The following ETS1 variants were observed in gnomAD, a reference collection of about 807,000 sequenced individuals.
ETS1 encodes ETS proto-oncogene 1, transcription factor, also known as protein C-ets-1.
ETS1 carries 15 observed loss-of-function variants against 58.6 expected under a neutral mutation model. The observed-to-expected ratio is 0.26, with a 90% confidence interval of 0.17 to 0.39. The LOEUF is 0.39. Ranked by LOEUF, ETS1 falls within the 10% of genes least tolerant of loss-of-function variation. The pLI, the probability that ETS1 is intolerant of heterozygous loss-of-function variation, is 1.00. For synonymous variants in ETS1, 214 were observed against 218.2 expected (o/e 0.98, Z 0.17); for missense variants, 417 against 610.5 (o/e 0.68, Z 3.34).
chr11:128,507,803 G>A lies in ETS1; in HGVS notation c.215-17227C>T, dbSNP rs558143023. Among the ~76,000 whole-genome samples the A allele has an allele frequency of 2.0e-4, 31 of 152,306 alleles. No homozygotes were observed. In the South Asian group the frequency reaches 5.4e-3, roughly 26 times the overall value. On this transcript the variant is annotated intron_variant, in intron 3 of 9. Transcript: ENST00000392668. ...GCAGCAGCCTAGCTCAGGAAATGAC[G>A]CCTGGGAGAACAGGAGTTCTAATCC...
Position 128,460,718 on chromosome 11 carries a change from G to A in ETS1, c.*1643C>T, listed in dbSNP as rs1861885871. ...AAAGATGACTACCTTGCTTGACTAT[G>A]TTTGTATTTAAACCTTGGGGGAACT... On this transcript the variant is annotated 3_prime_UTR_variant, in exon 10 of 10. Coordinates refer to ENST00000392668, the MANE Select transcript of ETS1 (RefSeq NM_001143820.2). 6.6e-6 allele frequency: 1 copy of A among 152,258 alleles called. No individual in the cohort carries two copies. Among genetic ancestry groups the A allele is most frequent in the Non-Finnish European group, 1.5e-5 (1 of 68,012 alleles). 9.4% of individuals were successfully genotyped at this position (152,258 alleles called of 1,614,324 possible). A position where few individuals can be genotyped will look rare whatever the true frequency, so the allele number is the denominator to read the frequency against.
chr11:128,508,210 G>A (rs1327194680), intron 3 of ETS1, among the ~76,000 whole-genome samples: 5 of 152,156 alleles, frequency 3.3e-5, no homozygotes, highest in South Asian at 2.1e-4. Flanking sequence ...TAATAACAGC[G>A]ACAGCAGCAA....
At chr11:128,523,160 C>A (rs1863734257) in intron 3 of ETS1, among the ~76,000 whole-genome samples, 1 of 152,206 alleles carries the variant, frequency 6.6e-6, no homozygotes, top group African/African-American at 2.4e-5. Flanking sequence ...AAACTAACAA[C>A]CCTCCCACGA....
intron 3 of ETS1, among the ~76,000 whole-genome samples, chr11:128,550,754 T>C (rs73565248): frequency 0.011 from 1,681 of 152,310 alleles, 28 homozygotes; most frequent in African/African-American, 0.038. Context: ...AAAAGGTCCA[T>C]GTTTCCCCAT....
chr11:128,581,849 G>T (rs751825164), intron 1 of ETS1, among the ~76,000 whole-genome samples: 6 of 152,160 alleles, frequency 3.9e-5, no homozygotes, highest in Non-Finnish European at 8.8e-5. Context: ...AAACTGAGAG[G>T]CACCATAAAT....
chr11:128,575,875 AC>A (rs1565417024), intron 1 of ETS1, among the ~76,000 whole-genome samples: 2 of 152,214 alleles, frequency 1.3e-5, no homozygotes. Flanking sequence ...AAGAGAAAGG[AC>A]TTTTGGAATT....
intron 7 of ETS1, 50 bp from the exon 8 acceptor site, chr11:128,480,501 G>GAA (rs367685769): frequency 6.7e-4 from 708 of 1,053,216 alleles, no homozygotes; most frequent in Middle Eastern, 9.8e-4. Flanking sequence ...GAGGGAGTGG[G>GAA]AAAAAAAAAA....
In ETS1 at chr11:128,548,132, A is replaced by AAAGGG. The variant is rs1380445482; in HGVS notation, c.214+8154_214+8158dup. Among the ~76,000 whole-genome samples the AAAGGG allele has an allele frequency of 1.1e-3, 89 of 83,920 alleles. 1 individual carries two copies. Among genetic ancestry groups the AAAGGG allele is most frequent in the East Asian group, 0.01 (19 of 1,810 alleles). 55.1% of individuals were successfully genotyped at this position (83,920 alleles called of 152,430 possible). A position where few individuals can be genotyped will look rare whatever the true frequency, so the allele number is the denominator to read the frequency against. ...AAAGGGAAGGAAAGGAAAGGAAAGG[A>AAAGGG]AAGGGAAGGGAAGGGAAGGGAAGGA... On this transcript the variant is annotated intron_variant, in intron 3 of 9. Transcript: ENST00000392668.
chr11:128,539,488 C>T (rs1374576881), intron 3 of ETS1, among the ~76,000 whole-genome samples: 1 of 152,156 alleles, frequency 6.6e-6, no homozygotes, highest in African/African-American at 2.4e-5. Flanking sequence ...ATCAAAACGA[C>T]AATGAAATAC....
At chr11:128,478,013 G>T (rs1387693859) in intron 8 of ETS1, among the ~76,000 whole-genome samples, 1 of 152,052 alleles carries the variant, frequency 6.6e-6, no homozygotes, top group Non-Finnish European at 1.5e-5. Context: ...GTTAGAGTTG[G>T]GAGGAAACAC....
chr11:128,557,534 GA>G (rs2135558817), intron 2 of ETS1, among the ~76,000 whole-genome samples: 1 of 152,268 alleles, frequency 6.6e-6, no homozygotes, highest in Non-Finnish European at 1.5e-5. Context: ...TAATTTAAGA[GA>G]TCCTTAACAT....
At chr11:128,530,331 G>C (rs1348656351) in intron 3 of ETS1, 3 of 152,134 alleles carry the variant, frequency 2.0e-5, no homozygotes, top group African/African-American at 7.2e-5. Context: ...TATCTGGATT[G>C]GCTCCCATAC....
At chr11:128,570,210 ATTTC>A (rs756757816) in intron 2 of ETS1, among the ~76,000 whole-genome samples, 9 of 145,780 alleles carry the variant, frequency 6.2e-5, no homozygotes, top group South Asian at 2.2e-4. Flanking sequence ...TTTGTGTGAC[ATTTC>A]TTTCTTTCTT....
chr11:128,570,405 A>AT (rs900443491), intron 2 of ETS1, among the ~76,000 whole-genome samples: 11 of 151,392 alleles, frequency 7.3e-5, no homozygotes, highest in South Asian at 2.1e-4. Context: ...CACCTGGCTA[A>AT]TTTTTTTTGT....
chr11:128,462,630 G>A (rs1034712187), intron 9 of ETS1, 54 bp from the exon 10 acceptor site: 4 of 1,368,748 alleles, frequency 2.9e-6, no homozygotes, highest in Non-Finnish European at 4.2e-6. Flanking sequence ...TACAAGACAG[G>A]CCAAATATAT....
intron 3 of ETS1, among the ~76,000 whole-genome samples, chr11:128,544,723 CG>C (rs1457412977): frequency 1.3e-5 from 2 of 152,092 alleles, no homozygotes; most frequent in Non-Finnish European, 2.9e-5. Flanking sequence ...CTCACTCACA[CG>C]GAACAGCTGC....
At position 128,464,110 on chromosome 11, in the gene ETS1, G is replaced by A. The variant is rs1049738712; in HGVS notation, c.1124-483C>T. ...GGAGCCTGTGGCCCCTGATTTGTGA[G>A]TAAGAAGGATCACTATCCTCCGGCC... On this transcript the variant is annotated intron_variant, in intron 8 of 9. Coordinates refer to ENST00000392668, the MANE Select transcript of ETS1 (RefSeq NM_001143820.2). The surrounding 1 kb of genome is among the most constrained non-coding windows in gnomAD (Gnocchi z 4.1). Among the ~76,000 whole-genome samples, 1 of 151,982 alleles carries A rather than the reference G, an allele frequency of 6.6e-6. No individual in the cohort carries two copies. The highest frequency in any genetic ancestry group is 2.4e-5 in the African/African-American group (1 of 41,348).
chr11:128,477,145 G>A (rs4937336), intron 8 of ETS1, among the ~76,000 whole-genome samples: 140,772 of 152,294 alleles, frequency 0.92, 65,195 homozygotes, highest in African/African-American at 0.98. Flanking sequence ...AAATGGCAGG[G>A]AGATGGATTC....
In ETS1 at chr11:128,582,799, A is replaced by C. The variant is rs73030764; in HGVS notation, c.-15+4689T>G. ...CTAACTCATTGAAAGATTGCATAGCACAAATGGTGAAATATTGCAGCTTCC... is the reference window on the plus strand; with the variant it reads ...CTAACTCATTGAAAGATTGCATAGCCCAAATGGTGAAATATTGCAGCTTCC... On this transcript the variant is annotated intron_variant, in intron 1 of 9. Transcript: ENST00000392668. Among the ~76,000 whole-genome samples the C allele has an allele frequency of 7.4e-3, 1,124 of 152,232 alleles. 9 individuals are homozygous for C. The highest frequency in any genetic ancestry group is 0.012 in the Non-Finnish European group (816 of 68,008).
Sources: gnomAD v4.1 joint callset for allele counts (sites outside exome capture counted in the v4.1 genomes callset) on GRCh38, gnomAD v4.1.1 for gene constraint, Gnocchi (gnomAD v3.1) non-coding constraint, MANE v1.5 for transcripts, NCBI Gene and HGNC (gene_info 2026-07-23, HGNC 2026-07-21) for gene names.